TMCC1: variants seen among roughly 807,000 people sequenced by gnomAD.
TMCC1 encodes the protein transmembrane and coiled-coil domain family 1.
In TMCC1, 15 loss-of-function variants were observed where a neutral mutation model predicts 52.4. The observed-to-expected ratio is 0.29, with a 90% CI of 0.19 to 0.44. The LOEUF is 0.44. TMCC1 is among the 20% of genes least tolerant of loss of function. TMCC1 has a pLI of 1.00. For missense variants in TMCC1, 503 were observed against 806.0 expected (o/e 0.62, Z 4.55); for synonymous variants, 279 against 301.9 (o/e 0.92, Z 0.79).
chr3:129,751,074 G>A (rs1156776863), intron 4 of TMCC1, among the ~76,000 whole-genome samples: 2 of 151,896 alleles, frequency 1.3e-5, no homozygotes, highest in Admixed American at 6.6e-5. Context: ...GGTGGCACAC[G>A]CCTGTAGTCT....
intron 4 of TMCC1, among the ~76,000 whole-genome samples, chr3:129,808,316 C>T (rs558768424): frequency 6.6e-6 from 1 of 152,150 alleles, no homozygotes; most frequent in South Asian, 2.1e-4. Flanking sequence ...AACCTCGTCT[C>T]CACTAAAAAT....
At chr3:129,703,023 C>T (rs1039840805) in intron 4 of TMCC1, among the ~76,000 whole-genome samples, 1 of 152,084 alleles carries the variant, frequency 6.6e-6, no homozygotes, top group Non-Finnish European at 1.5e-5. Flanking sequence ...CTCAAAAAAA[C>T]AAAATAAAAG....
intron 4 of TMCC1, among the ~76,000 whole-genome samples, chr3:129,698,665 A>G (rs2047589060): frequency 6.6e-6 from 1 of 152,216 alleles, no homozygotes; most frequent in Non-Finnish European, 1.5e-5. Flanking sequence ...TTTTAAAGCA[A>G]CTAATTAAAA....
intron 4 of TMCC1, among the ~76,000 whole-genome samples, chr3:129,733,444 G>A (rs192724239): frequency 1.0e-3 from 158 of 152,318 alleles, no homozygotes; most frequent in African/African-American, 3.4e-3. Flanking sequence ...AGTGATAGCA[G>A]TAAAAACCAT....
At chr3:129,753,495 T>C (rs905455957) in intron 4 of TMCC1, among the ~76,000 whole-genome samples, 1 of 152,220 alleles carries the variant, frequency 6.6e-6, no homozygotes, top group Non-Finnish European at 1.5e-5. Context: ...GGATAATTAA[T>C]ACATCACAAC....
chr3:129,656,692 CT>C (rs1398892315), intron 5 of TMCC1: 2 of 152,150 alleles, frequency 1.3e-5, no homozygotes, highest in Non-Finnish European at 2.9e-5. Context: ...TTTAGTTCTT[CT>C]TTATCCTTGA....
At chr3:129,806,841 G>C (rs1013895161) in intron 4 of TMCC1, among the ~76,000 whole-genome samples, 1 of 151,880 alleles carries the variant, frequency 6.6e-6, no homozygotes, top group African/African-American at 2.4e-5. Flanking sequence ...TTAGTGAAAG[G>C]ATTGGAAAAT....
intron 4 of TMCC1, among the ~76,000 whole-genome samples, chr3:129,789,062 T>C (rs1313721203): frequency 6.6e-6 from 1 of 152,116 alleles, no homozygotes; most frequent in African/African-American, 2.4e-5. Flanking sequence ...TTAGAGAAAA[T>C]TAATTACATA....
intron 4 of TMCC1, among the ~76,000 whole-genome samples, chr3:129,707,608 T>C (rs1453038312): frequency 6.6e-6 from 1 of 152,254 alleles, no homozygotes; most frequent in Non-Finnish European, 1.5e-5. Flanking sequence ...TACTTTCTTA[T>C]AATTTGATTA....
At position 129,671,232 on chromosome 3, in the gene TMCC1, T is replaced by C. The variant is rs770037477; in HGVS notation, c.609A>G (p.Gln203=). The C allele has an allele frequency of 6.2e-7, 1 of 1,613,438 alleles. No homozygotes were observed. The highest frequency in any genetic ancestry group is 2.2e-5 in the East Asian group (1 of 44,848). The change falls in exon 5 of 7, where the codon CAA becomes CAG. Residue 203 remains glutamine (Q), a synonymous_variant. Coordinates refer to ENST00000393238, the MANE Select transcript of TMCC1 (RefSeq NM_001017395.5). ...IERLEVSSLA[Q]TSSAVASSTD... ...TACTGGAGGCCACTGCACTGGATGTTTGGGCAAGGCTGCTTACTTCCAACC... is the reference window on the plus strand; with the variant it reads ...TACTGGAGGCCACTGCACTGGATGTCTGGGCAAGGCTGCTTACTTCCAACC...
At chr3:129,823,647 C>A (rs1165262972) in intron 4 of TMCC1, among the ~76,000 whole-genome samples, 7 of 151,668 alleles carry the variant, frequency 4.6e-5, no homozygotes, top group African/African-American at 4.8e-5. Flanking sequence ...AACAAACAAA[C>A]AAAAAAACAG....
intron 4 of TMCC1, among the ~76,000 whole-genome samples, chr3:129,812,713 T>C (rs2057888658): frequency 2.0e-5 from 3 of 152,174 alleles, no homozygotes; most frequent in East Asian, 1.9e-4. Flanking sequence ...TGAAAAACTA[T>C]AAAAACCTTT....
At chr3:129,721,421 C>T (rs1339307241) in intron 4 of TMCC1, among the ~76,000 whole-genome samples, 1 of 152,066 alleles carries the variant, frequency 6.6e-6, no homozygotes, top group Admixed American at 6.6e-5. Context: ...TCACTGCAAC[C>T]TCCACTGCCC....
chr3:129,771,735 A>G (rs2054588122), intron 4 of TMCC1, among the ~76,000 whole-genome samples: 1 of 133,492 alleles, frequency 7.5e-6, no homozygotes, highest in East Asian at 2.5e-4. Context: ...TGATCATGCC[A>G]CTGTACTTCG....
At position 129,693,503 on chromosome 3, in the gene TMCC1, A is replaced by ATTT. The variant is rs11433105; in HGVS notation, c.577-22242_577-22240dup. On this transcript the variant is annotated intron_variant, in intron 4 of 6. Coordinates refer to ENST00000393238, the MANE Select transcript of TMCC1 (RefSeq NM_001017395.5). ...TTGATCTTGCCTTCCCCAAGATTGA[A>ATTT]TTTTTTTTTTTTTTTTTTTTTGAGA... Among the ~76,000 whole-genome samples the ATTT allele has an allele frequency of 5.5e-3, 670 of 121,888 alleles. 16 individuals are homozygous for ATTT. The highest frequency in any genetic ancestry group is 8.5e-3 in the Middle Eastern group (2 of 234). 80.0% of individuals were successfully genotyped at this position (121,888 alleles called of 152,430 possible).
chr3:129,712,176 C>T (rs2048751602), intron 4 of TMCC1, among the ~76,000 whole-genome samples: 1 of 151,930 alleles, frequency 6.6e-6, no homozygotes, highest in Non-Finnish European at 1.5e-5. Flanking sequence ...GACTCTTTCT[C>T]AAAATAAACA....
chr3:129,760,433 TG>T (rs1576724354), intron 4 of TMCC1, among the ~76,000 whole-genome samples: 3 of 142,970 alleles, frequency 2.1e-5, no homozygotes, highest in East Asian at 4.4e-4. Flanking sequence ...TGTGTGTGTG[TG>T]TTTTTGAGAC....
At chr3:129,882,056 T>C (rs559803453) in intron 1 of TMCC1, among the ~76,000 whole-genome samples, 3 of 151,874 alleles carry the variant, frequency 2.0e-5, no homozygotes, top group East Asian at 3.9e-4. Flanking sequence ...CACAACAAAA[T>C]CAAATTCCTT....
intron 4 of TMCC1, 177 bp downstream of exon 4, chr3:129,827,626 T>A (rs777933442): frequency 5.0e-5 from 34 of 677,378 alleles, no homozygotes; most frequent in Non-Finnish European, 7.3e-5. Context: ...AATATAATTC[T>A]AAGCATTCAT....
Sources: gnomAD v4.1 joint callset for allele counts (sites outside exome capture counted in the v4.1 genomes callset) on GRCh38, gnomAD v4.1.1 for gene constraint, MANE v1.5 for transcripts, NCBI Gene and HGNC (gene_info 2026-07-23, HGNC 2026-07-21) for gene names.